The following PXDNL variants were observed in gnomAD, a reference collection of about 807,000 sequenced individuals.
The protein encoded by PXDNL is peroxidasin like, also known as probable oxidoreductase PXDNL.
A neutral mutation model predicts 150.8 loss-of-function variants in PXDNL; 145 were observed. The ratio of observed to expected loss-of-function variants is 0.96; its 90% CI spans 0.84 to 1.10. The LOEUF (loss-of-function observed/expected upper bound fraction) is 1.10. Ranked by LOEUF, PXDNL falls within the 50% of genes least tolerant of loss-of-function variation. The pLI is 0.00. For missense variants in PXDNL, 2,087 were observed against 1,873.9 expected (o/e 1.11, Z -2.10); for synonymous variants, 757 against 725.7 (o/e 1.04, Z -0.69).
intron 19 of PXDNL, among the ~76,000 whole-genome samples, chr8:51,355,687 T>C (rs1055814231): frequency 1.3e-5 from 2 of 152,208 alleles, no homozygotes; most frequent in Non-Finnish European, 2.9e-5. Context: ...TTGACTGATT[T>C]ATGACACAAA....
chr8:51,404,745 G>A (rs1399142341), intron 17 of PXDNL, among the ~76,000 whole-genome samples: 1 of 152,234 alleles, frequency 6.6e-6, no homozygotes, highest in African/African-American at 2.4e-5. Context: ...AGACTCAGGA[G>A]CCCAGCTGGC....
At position 51,373,604 on chromosome 8, in the gene PXDNL, G is replaced by T. The variant is rs532329891; in HGVS notation, c.3692+993C>A. ...TTAATTGTTACCAATGTGCAATAAA[G>T]GGAATTAAATCCTTTGCTACTTTCT... is the stretch of plus-strand genomic sequence containing the variant. On this transcript the variant is annotated intron_variant, in intron 18 of 22. Coordinates refer to ENST00000356297, the MANE Select transcript of PXDNL (RefSeq NM_144651.5). Among the ~76,000 whole-genome samples the T allele has an allele frequency of 2.6e-5, 4 of 152,262 alleles. No homozygotes were observed. In the South Asian group the frequency reaches 8.3e-4, roughly 32 times the overall value.
rs141640720 is a variant in PXDNL at position 51,723,113 on chromosome 8, A to G, written c.165-68353T>C. The stretch of plus-strand genomic sequence containing the variant: ...AAAAGAAAAGAAAAGAAAAAGACAC[A>G]AGATAGAGCTATATTAGCCAAAGTC... On this transcript the variant is annotated intron_variant, in intron 1 of 22. Transcript: ENST00000356297. 1.5e-3 allele frequency among the ~76,000 whole-genome samples: 223 copies of G among 152,250 alleles called. 1 individual carries two copies. Among genetic ancestry groups the G allele is most frequent in the African/African-American group, 5.1e-3 (212 of 41,536 alleles).
intron 1 of PXDNL, among the ~76,000 whole-genome samples, chr8:51,807,660 T>C (rs2037692012): frequency 1.3e-5 from 2 of 152,214 alleles, no homozygotes; most frequent in South Asian, 4.1e-4. Flanking sequence ...CATTAAGCTT[T>C]ATTTTTAAAC....
intron 1 of PXDNL, among the ~76,000 whole-genome samples, chr8:51,673,993 C>G (rs1273655842): frequency 2.6e-5 from 4 of 152,150 alleles, no homozygotes; most frequent in African/African-American, 9.7e-5. Flanking sequence ...AACAATAAGA[C>G]TAAAAACTTG....
rs749277291 is a variant in PXDNL at position 51,408,222 on chromosome 8, G to C, written c.3402C>G (p.Ala1134=). The change falls in exon 17 of 23, where the codon GCC becomes GCG. Residue 1134 remains alanine (A), a synonymous_variant. Transcript: ENST00000356297. ...GAATGATGGTGGCAGCCGAATCCAC[G>C]GCCGCAGAATAAGCCGCGGAGAAGA... ...QRLFSAAYSA[A]VDSAATIIQR... The C allele has an allele frequency of 5.6e-6, 9 of 1,614,014 alleles. No individual in the cohort carries two copies. The highest frequency in any genetic ancestry group is 4.5e-5 in the East Asian group (2 of 44,880).
chr8:51,606,362 C>T (rs968261297), intron 2 of PXDNL, among the ~76,000 whole-genome samples: 21 of 152,100 alleles, frequency 1.4e-4, no homozygotes, highest in African/African-American at 4.6e-4. Context: ...TATTTGTGCC[C>T]GCCAGCAGTG....
intron 1 of PXDNL, among the ~76,000 whole-genome samples, chr8:51,769,569 T>C (rs952127388): frequency 1.3e-5 from 2 of 151,346 alleles, no homozygotes; most frequent in African/African-American, 4.9e-5. Context: ...TCTTCAATGA[T>C]GCCCTTTTTT....
At chr8:51,356,472 G>A (rs1441765998) in intron 19 of PXDNL, among the ~76,000 whole-genome samples, 1 of 144,992 alleles carries the variant, frequency 6.9e-6, no homozygotes, top group Non-Finnish European at 1.5e-5. Flanking sequence ...GGTGATAAGA[G>A]TGAAACTCCA....
In PXDNL at chr8:51,409,183, A is replaced by AAGTC; in HGVS notation, c.2437_2440dup (p.Leu814Ter). 2 of 1,595,426 alleles carry AAGTC rather than the reference A, an allele frequency of 1.3e-6. No homozygotes were observed. Among genetic ancestry groups the AAGTC allele is most frequent in the Non-Finnish European group, 1.7e-6 (2 of 1,175,376 alleles). On this transcript the variant is annotated stop_gained and frameshift_variant, in exon 17 of 23. Transcript: ENST00000356297. LOFTEE classifies it high-confidence loss of function. ...GCTCAGCGCAGGCACTGTGTGGTCC[A>AAGTC]AGTCGTGCTCTAGAAACCAGCCCCA...
At chr8:51,732,905 A>C (rs1447411552) in intron 1 of PXDNL, among the ~76,000 whole-genome samples, 1 of 152,204 alleles carries the variant, frequency 6.6e-6, no homozygotes, top group African/African-American at 2.4e-5. Flanking sequence ...TGGGAGCTAC[A>C]ATTCAAGATG....
intron 3 of PXDNL, among the ~76,000 whole-genome samples, chr8:51,562,594 A>G (rs1263643412): frequency 3.3e-5 from 5 of 152,036 alleles, no homozygotes; most frequent in Non-Finnish European, 5.9e-5. Context: ...CTTTTGGACC[A>G]AGGAGTGTTA....
At chr8:51,458,302 C>A (rs1201569240) in intron 8 of PXDNL, among the ~76,000 whole-genome samples, 1 of 152,070 alleles carries the variant, frequency 6.6e-6, no homozygotes, top group Non-Finnish European at 1.5e-5. Flanking sequence ...TGTGCAACAC[C>A]ATATCACATC....
chr8:51,778,374 T>C, intron 1 of PXDNL, among the ~76,000 whole-genome samples: 1 of 152,176 alleles, frequency 6.6e-6, no homozygotes, highest in East Asian at 1.9e-4. Context: ...TTCATGACGG[T>C]GACTTTGGAG....
At chr8:51,556,944 A>G (rs1414258057) in intron 3 of PXDNL, 33 bp from the exon 4 acceptor site, 4 of 1,271,212 alleles carry the variant, frequency 3.1e-6, no homozygotes, top group Non-Finnish European at 4.6e-6. Flanking sequence ...TTAAATTATA[A>G]ATTAGTAGAG....
intron 6 of PXDNL, among the ~76,000 whole-genome samples, chr8:51,480,228 G>T (rs1041486755): frequency 1.3e-5 from 2 of 152,122 alleles, no homozygotes; most frequent in African/African-American, 4.8e-5. Context: ...GGCCATTCTT[G>T]CATTGCCATA....
rs1585502710 is a variant in PXDNL at position 51,474,836 on chromosome 8, A to T, written c.694+136T>A. On this transcript the variant is annotated intron_variant, in intron 7 of 22. Coordinates refer to ENST00000356297, the MANE Select transcript of PXDNL (RefSeq NM_144651.5). Reference sequence around the variant, plus strand: ...GCAGATGATGGAAAGGAAATTGGCCATACTTTTACCACATTCCTTAAAAAC... The same window carrying T: ...GCAGATGATGGAAAGGAAATTGGCCTTACTTTTACCACATTCCTTAAAAAC... The T allele has an allele frequency of 5.9e-6, 4 of 674,938 alleles. No homozygotes were observed. The East Asian group carries it at 1.2e-4, about 20-fold the overall frequency. 41.8% of individuals were successfully genotyped at this position (674,938 alleles called of 1,614,324 possible).
intron 1 of PXDNL, among the ~76,000 whole-genome samples, chr8:51,793,185 C>T (rs2037529239): frequency 6.6e-6 from 1 of 152,176 alleles, no homozygotes; most frequent in South Asian, 2.1e-4. Context: ...GCACGAGGGA[C>T]CCAGGTCTGG....
intron 3 of PXDNL, among the ~76,000 whole-genome samples, chr8:51,576,335 T>C (rs1563470404): frequency 2.0e-5 from 3 of 151,558 alleles, no homozygotes; most frequent in African/African-American, 7.3e-5. Context: ...ATACAGAGTA[T>C]ATTTCCTGAA....
Sources: gnomAD v4.1 joint callset for allele counts (sites outside exome capture counted in the v4.1 genomes callset) on GRCh38, gnomAD v4.1.1 for gene constraint, MANE v1.5 for transcripts, NCBI Gene and HGNC (gene_info 2026-07-23, HGNC 2026-07-21) for gene names.